The following PTGER2 variants were observed in gnomAD, a reference collection of about 807,000 sequenced individuals.
The protein encoded by PTGER2 is prostaglandin E2 receptor EP2 subtype.
In PTGER2, 22 loss-of-function variants were observed where a neutral mutation model predicts 26.2. The observed-to-expected ratio is 0.84, with a 90% CI of 0.60 to 1.20. The LOEUF (loss-of-function observed/expected upper bound fraction) is 1.20. Among genes scored for constraint, PTGER2 ranks in the 50% most tolerant of loss-of-function variants. The pLI is 0.00. For missense variants in PTGER2, 458 were observed against 475.2 expected (o/e 0.96, Z 0.34); for synonymous variants, 219 against 208.9 (o/e 1.05, Z -0.42).
Position 52,314,621 on chromosome 14 carries a change from C to T in PTGER2, c.73C>T (p.Pro25Ser). The T allele has an allele frequency of 6.6e-7, 1 of 1,511,218 alleles. No individual in the cohort carries two copies. The highest frequency in any genetic ancestry group is 8.9e-7 in the Non-Finnish European group (1 of 1,129,454). The allele number at this position is 1,511,218 out of a possible 1,614,324, so 93.6% of individuals were successfully genotyped here. A position where few individuals can be genotyped will look rare whatever the true frequency, so the allele number is the denominator to read the frequency against. ...ACAGTGGCTTCCCCCAGGCGAAAGC[C>T]CAGCCATCAGCTCCGTCATGTTCTC... ...TRQWLPPGES[P>S]AISSVMFSAG... Residue 25 changes from proline to serine, a missense_variant, in exon 1 of 2, where the codon CCA (proline) becomes TCA (serine). Coordinates refer to ENST00000245457, the MANE Select transcript of PTGER2 (RefSeq NM_000956.4). The surrounding 1 kb of genome is among the most constrained non-coding windows in gnomAD (Gnocchi z 5.7).
At chr14:52,319,637 T>C (rs1467187345) in intron 1 of PTGER2, among the ~76,000 whole-genome samples, 1 of 152,212 alleles carries the variant, frequency 6.6e-6, no homozygotes, top group African/African-American at 2.4e-5. Context: ...AGGAAATATA[T>C]GAGACCTCTA....
Position 52,314,654 on chromosome 14 carries a change from G to T in PTGER2, c.106G>T (p.Val36Leu), listed in dbSNP as rs566120743. The T allele has an allele frequency of 2.6e-6, 4 of 1,519,394 alleles. No homozygotes were observed. The highest frequency in any genetic ancestry group is 3.5e-6 in the Non-Finnish European group (4 of 1,133,292). The allele number at this position is 1,519,394 out of a possible 1,614,324, so 94.1% of individuals were successfully genotyped here. A position where few individuals can be genotyped will look rare whatever the true frequency, so the allele number is the denominator to read the frequency against. The change falls in exon 1 of 2, where the codon GTG becomes TTG. Residue 36 changes from valine to leucine, a missense_variant. Val to Leu is a conservative substitution (Grantham distance 32). Transcript: ENST00000245457. This position sits in a 1 kb window ranked among gnomAD's most constrained non-coding sequence, Gnocchi z 5.7. ...CAGCTCCGTCATGTTCTCGGCCGGG[G>T]TGCTGGGGAACCTCATAGCACTGGC... ...AISSVMFSAGVLGNLIALALL... is the reference protein window; with the variant it reads ...AISSVMFSAGLLGNLIALALL...
At chr14:52,323,866 G>A (rs1268157634) in intron 1 of PTGER2, among the ~76,000 whole-genome samples, 1 of 152,174 alleles carries the variant, frequency 6.6e-6, no homozygotes, top group Admixed American at 6.5e-5. Context: ...TTAGCACTTG[G>A]TATTTTTCTC....
At position 52,327,602 on chromosome 14, in the gene PTGER2, C is replaced by CAGCTTGCTA; in HGVS notation, c.*150_*151insCTTGCTAAG. 1.5e-6 allele frequency: 1 copy of CAGCTTGCTA among 673,600 alleles called. No individual in the cohort carries two copies. The highest frequency in any genetic ancestry group is 2.1e-5 in the South Asian group (1 of 48,476). 41.7% of individuals were successfully genotyped at this position (673,600 alleles called of 1,614,324 possible). ...AACATTTAAGCTGTGGTCAAGGCTA[C>CAGCTTGCTA]AGATGTGCTGACAAGGCACTTCATG... On this transcript the variant is annotated 3_prime_UTR_variant, in exon 2 of 2. Coordinates refer to ENST00000245457, the MANE Select transcript of PTGER2 (RefSeq NM_000956.4).
chr14:52,316,922 G>A (rs1224826829), intron 1 of PTGER2, among the ~76,000 whole-genome samples: 1 of 152,218 alleles, frequency 6.6e-6, no homozygotes, highest in Non-Finnish European at 1.5e-5. Context: ...GGGAGTTTAT[G>A]CAACAGAAAC....
In PTGER2 at chr14:52,314,318, A is replaced by G. The variant is rs907097552; in HGVS notation, c.-231A>G. ...GCTCCCGGCCTTGGCCGGCGCGGGT[A>G]GGCGCGGGAGCCTCGAGCGCCGCTC... On this transcript the variant is annotated 5_prime_UTR_variant, in exon 1 of 2. Transcript: ENST00000245457. The surrounding 1 kb of genome is among the most constrained non-coding windows in gnomAD (Gnocchi z 5.7). The G allele has an allele frequency of 2.9e-6, 1 of 342,264 alleles. No individual in the cohort carries two copies. Among genetic ancestry groups the G allele is most frequent in the Non-Finnish European group, 5.1e-6 (1 of 197,234 alleles). The allele number at this position is 342,264 out of a possible 1,614,324, so 21.2% of individuals were successfully genotyped here.
chr14:52,314,566 T>G lies in PTGER2; in HGVS notation c.18T>G (p.Asn6Lys). The G allele has an allele frequency of 6.7e-7, 1 of 1,496,412 alleles. No homozygotes were observed. 92.7% of individuals were successfully genotyped at this position (1,496,412 alleles called of 1,614,324 possible). A position where few individuals can be genotyped will look rare whatever the true frequency, so the allele number is the denominator to read the frequency against. The part of the protein sequence containing the change: MGNAS[N>K]DSQSEDCETR... ...ACCCCACCATGGGCAATGCCTCCAA[T>G]GACTCCCAGTCTGAGGACTGCGAGA... The change falls in exon 1 of 2, where the codon AAT (asparagine) becomes AAG (lysine). Residue 6 changes from asparagine to lysine, a missense_variant. By Grantham distance (94) the Asn-to-Lys change is moderately conservative. Coordinates refer to ENST00000245457, the MANE Select transcript of PTGER2 (RefSeq NM_000956.4). The surrounding 1 kb of genome is among the most constrained non-coding windows in gnomAD (Gnocchi z 5.7).
At chr14:52,316,638 A>G (rs1463099200) in intron 1 of PTGER2, among the ~76,000 whole-genome samples, 2 of 152,174 alleles carry the variant, frequency 1.3e-5, no homozygotes, top group South Asian at 2.1e-4. Context: ...TGCTTCTTAC[A>G]TCTTCATGTG....
At chr14:52,321,272 A>G (rs571490793) in intron 1 of PTGER2, among the ~76,000 whole-genome samples, 3,213 of 141,326 alleles carry the variant, frequency 0.023, 29 homozygotes, top group Middle Eastern at 0.033. Context: ...GTTTTTTTTT[A>G]AAGAATGAAT....
At position 52,327,601 on chromosome 14, in the gene PTGER2, A is replaced by G. The variant is rs1259035440; in HGVS notation, c.*147A>G. 10 of 678,102 alleles carry G rather than the reference A, an allele frequency of 1.5e-5. No homozygotes were observed. Among genetic ancestry groups the G allele is most frequent in the Non-Finnish European group, 2.4e-5 (10 of 414,490 alleles). 42.0% of individuals were successfully genotyped at this position (678,102 alleles called of 1,614,324 possible). On this transcript the variant is annotated 3_prime_UTR_variant, in exon 2 of 2. Coordinates refer to ENST00000245457, the MANE Select transcript of PTGER2 (RefSeq NM_000956.4). ...AAACATTTAAGCTGTGGTCAAGGCTACAGATGTGCTGACAAGGCACTTCAT... is the reference window on the plus strand; with the variant it reads ...AAACATTTAAGCTGTGGTCAAGGCTGCAGATGTGCTGACAAGGCACTTCAT...
Position 52,314,513 on chromosome 14 carries a change from G to A in PTGER2, c.-36G>A, listed in dbSNP as rs1044051943. 6.9e-7 allele frequency: 1 copy of A among 1,457,814 alleles called. No homozygotes were observed. Among genetic ancestry groups the A allele is most frequent in the Non-Finnish European group, 9.0e-7 (1 of 1,105,708 alleles). The allele number at this position is 1,457,814 out of a possible 1,614,324, so 90.3% of individuals were successfully genotyped here. A position where few individuals can be genotyped will look rare whatever the true frequency, so the allele number is the denominator to read the frequency against. On this transcript the variant is annotated 5_prime_UTR_variant, in exon 1 of 2. Transcript: ENST00000245457. The surrounding 1 kb of genome is among the most constrained non-coding windows in gnomAD (Gnocchi z 5.7). The stretch of plus-strand genomic sequence containing the variant: ...CCTCTTCCTCCCAGGTAAAGGCCGG[G>A]AGAGGAGGGCGCATCTCTTTTCCAG...
chr14:52,325,549 C>A (rs1438136758), intron 1 of PTGER2, among the ~76,000 whole-genome samples: 1 of 152,184 alleles, frequency 6.6e-6, no homozygotes, highest in East Asian at 1.9e-4. Context: ...GTGTTTTAAT[C>A]TGTAGACCTA....
intron 1 of PTGER2, among the ~76,000 whole-genome samples, chr14:52,323,828 G>C (rs2033922510): frequency 6.6e-6 from 1 of 152,142 alleles, no homozygotes; most frequent in Non-Finnish European, 1.5e-5. Flanking sequence ...CTGCCCTGAG[G>C]AATTAAAATT....
At chr14:52,316,843 T>G (rs1016839098) in intron 1 of PTGER2, among the ~76,000 whole-genome samples, 1 of 152,188 alleles carries the variant, frequency 6.6e-6, no homozygotes, top group Non-Finnish European at 1.5e-5. Flanking sequence ...GATAGAATAT[T>G]CAAAGACGCC....
intron 1 of PTGER2, among the ~76,000 whole-genome samples, chr14:52,320,191 G>T (rs2033881050): frequency 6.6e-6 from 1 of 152,220 alleles, no homozygotes; most frequent in South Asian, 2.1e-4. Flanking sequence ...GGGGATCGAT[G>T]AGACAGTTTT....
At chr14:52,316,426 G>A in intron 1 of PTGER2, among the ~76,000 whole-genome samples, 1 of 152,132 alleles carries the variant, frequency 6.6e-6, no homozygotes, top group East Asian at 1.9e-4. Flanking sequence ...CCTCTTACGG[G>A]GGCTAGGAAT....
At position 52,318,617 on chromosome 14, in the gene PTGER2, G is replaced by A. The variant is rs1005860333; in HGVS notation, c.843+3226G>A. 2.6e-5 allele frequency among the ~76,000 whole-genome samples: 4 copies of A among 152,236 alleles called. No individual in the cohort carries two copies. In the South Asian group the frequency reaches 8.3e-4, roughly 32 times the overall value. On this transcript the variant is annotated intron_variant, in intron 1 of 1. Transcript: ENST00000245457. ...GGACCAAACCACTGGCAACAAGGAG[G>A]ACAGCTGTACCCAGTGGGACACCAG...
At chr14:52,325,536 TATGTGTTTTA>T (rs1168036767) in intron 1 of PTGER2, among the ~76,000 whole-genome samples, 1 of 152,218 alleles carries the variant, frequency 6.6e-6, no homozygotes, top group Non-Finnish European at 1.5e-5. Context: ...TAATCACTAA[TATGTGTTTTA>T]ATCTGTAGAC....
At chr14:52,320,833 G>A (rs1254651785) in intron 1 of PTGER2, among the ~76,000 whole-genome samples, 4 of 152,222 alleles carry the variant, frequency 2.6e-5, no homozygotes, top group Non-Finnish European at 5.9e-5. Context: ...AAGGGCCAGG[G>A]ATCGGATAAG....
Sources: allele counts gnomAD v4.1 joint callset (sites outside exome capture counted in the v4.1 genomes callset), GRCh38; gene constraint gnomAD v4.1.1; non-coding constraint Gnocchi (gnomAD v3.1); transcripts MANE v1.5; gene names NCBI Gene and HGNC (gene_info 2026-07-23, HGNC 2026-07-21).